Variants in KIAA1586 observed in about 807,000 individuals in gnomAD.
KIAA1586 encodes the protein E3 SUMO-protein ligase KIAA1586.
KIAA1586 carries 5 observed loss-of-function variants against 6.1 expected under a neutral mutation model. The observed-to-expected ratio is 0.82, with a 90% confidence interval of 0.43 to 1.73. The LOEUF (loss-of-function observed/expected upper bound fraction) is 1.73. Ranked by LOEUF, KIAA1586 falls within the 40% of genes most tolerant of loss-of-function variation. KIAA1586 has a pLI of 0.02. For missense variants in KIAA1586, 899 were observed against 878.2 expected (o/e 1.02, Z -0.30); for synonymous variants, 280 against 301.7 (o/e 0.93, Z 0.75).
chr6:57,051,909 G>A (rs1359766291), intron 3 of KIAA1586, among the ~76,000 whole-genome samples: 3 of 152,186 alleles, frequency 2.0e-5, no homozygotes, highest in African/African-American at 4.8e-5. Flanking sequence ...GGGAGGTGGA[G>A]TTTACGGTGA....
In KIAA1586 at chr6:57,053,210, A is replaced by G; in HGVS notation, c.711A>G (p.Lys237=). The G allele has an allele frequency of 6.2e-7, 1 of 1,600,084 alleles. No homozygotes were observed. The highest frequency in any genetic ancestry group is 8.5e-7 in the Non-Finnish European group (1 of 1,175,328). ...ATTCAATTTGTAATTTAGTGCATAA[A>G]CAAAATAATAAAAATATTGATGCTA... ...TNDSICNLVH[K]QNNKNIDATV... The change falls in exon 4 of 4, where the codon AAA becomes AAG. Residue 237 remains lysine, a synonymous_variant. Transcript: ENST00000370733.
Position 57,053,796 on chromosome 6 carries a change from G to A in KIAA1586, c.1297G>A (p.Glu433Lys), listed in dbSNP as rs948410206. 2.0e-5 allele frequency: 30 copies of A among 1,536,832 alleles called. 1 individual carries two copies. Among genetic ancestry groups the A allele is most frequent in the Admixed American group, 8.0e-5 (4 of 50,010 alleles). The change falls in exon 4 of 4, where the codon GAA becomes AAA. Residue 433 changes from glutamate (E) to lysine (K), a missense_variant. By Grantham distance (56) the Glu-to-Lys change is moderately conservative. Coordinates refer to ENST00000370733, the MANE Select transcript of KIAA1586 (RefSeq NM_020931.4). ...ATTGTCACTTGATGATTCTATATCC[G>A]AAATAAAACAAATTAATCATTTAAA... is the stretch of plus-strand genomic sequence containing the variant. Reference protein sequence around the residue: ...LQLSLDDSISEIKQINHLKIF... With the variant: ...LQLSLDDSISKIKQINHLKIF...
At position 57,053,064 on chromosome 6, in the gene KIAA1586, G is replaced by A. The variant is rs770673508; in HGVS notation, c.565G>A (p.Val189Ile). ...HVSKEWIAYLVTPNGSNKTTR... is the reference protein window; with the variant it reads ...HVSKEWIAYLITPNGSNKTTR... ...GTCCAAGGAATGGATTGCATATTTAGTAACCCCTAATGGCAGTAATAAAAC... is the reference window on the plus strand; with the variant it reads ...GTCCAAGGAATGGATTGCATATTTAATAACCCCTAATGGCAGTAATAAAAC... Residue 189 changes from valine to isoleucine, a missense_variant, in exon 4 of 4, where the codon GTA becomes ATA. By Grantham distance (29) the Val-to-Ile change is conservative. Coordinates refer to ENST00000370733, the MANE Select transcript of KIAA1586 (RefSeq NM_020931.4). 8 of 1,613,166 alleles carry A rather than the reference G, an allele frequency of 5.0e-6. No individual in the cohort carries two copies. The South Asian group carries it at 7.7e-5, about 16-fold the overall frequency.
downstream of KIAA1586, chr6:57,055,333 ATTTACT>A (rs1828481918): frequency 6.6e-6 from 1 of 150,948 alleles, no homozygotes; most frequent in South Asian, 2.1e-4. Flanking sequence ...ATTTTTATTT[ATTTACT>A]TTTACTTAAA....
downstream of KIAA1586, among the ~76,000 whole-genome samples, chr6:57,058,533 A>G (rs1186600485): frequency 6.6e-6 from 1 of 152,218 alleles, no homozygotes; most frequent in Non-Finnish European, 1.5e-5. Context: ...CTAGCCAGAT[A>G]TTTAATAATC....
chr6:57,063,053 T>G, the KIAA1586 span, among the ~76,000 whole-genome samples: 2 of 151,268 alleles, frequency 1.3e-5, no homozygotes, highest in Non-Finnish European at 2.9e-5. Flanking sequence ...AGACTCTGTC[T>G]CCAAAAAAAA....
chr6:57,058,250 ATTTC>A (rs1379725055), downstream of KIAA1586, among the ~76,000 whole-genome samples: 1 of 152,164 alleles, frequency 6.6e-6, no homozygotes, highest in Non-Finnish European at 1.5e-5. Flanking sequence ...TGTTTCTGTT[ATTTC>A]TTCATTCCAC....
In KIAA1586 at chr6:57,053,048, A is replaced by G; in HGVS notation, c.549A>G (p.Glu183=). The G allele has an allele frequency of 6.2e-7, 1 of 1,613,676 alleles. No individual in the cohort carries two copies. Among genetic ancestry groups the G allele is most frequent in the South Asian group, 1.1e-5 (1 of 91,042 alleles). ...AAAAGCATGTCCATGTGTCCAAGGA[A>G]TGGATTGCATATTTAGTAACCCCTA... The part of the protein sequence containing the change: ...KAEKHVHVSK[E]WIAYLVTPNG... The change falls in exon 4 of 4, where the codon GAA becomes GAG. Residue 183 remains glutamate, a synonymous_variant. Coordinates refer to ENST00000370733, the MANE Select transcript of KIAA1586 (RefSeq NM_020931.4).
At chr6:57,056,641 G>A (rs1194026545), downstream of KIAA1586, among the ~76,000 whole-genome samples, 1 of 150,970 alleles carries the variant, frequency 6.6e-6, no homozygotes, top group Non-Finnish European at 1.5e-5. Context: ...GGCCCAAGCA[G>A]TCCTCCCACC....
the KIAA1586 span, among the ~76,000 whole-genome samples, chr6:57,060,969 A>T: frequency 6.8e-6 from 1 of 147,876 alleles, no homozygotes; most frequent in Non-Finnish European, 1.5e-5. Context: ...GTGATTTTAA[A>T]TTATGTTCCG....
chr6:57,061,408 A>G, the KIAA1586 span, among the ~76,000 whole-genome samples: 2 of 152,080 alleles, frequency 1.3e-5, no homozygotes, highest in African/African-American at 4.8e-5. Flanking sequence ...TTATTTATCT[A>G]TTGAGACAGG....
At position 57,054,246 on chromosome 6, in the gene KIAA1586, A is replaced by G. The variant is rs1276456957; in HGVS notation, c.1747A>G (p.Lys583Glu). 3 of 1,591,636 alleles carry G rather than the reference A, an allele frequency of 1.9e-6. No individual in the cohort carries two copies. The highest frequency in any genetic ancestry group is 2.7e-5 in the African/African-American group (2 of 73,288). The change falls in exon 4 of 4, where the codon AAG (lysine) becomes GAG (glutamate). Residue 583 changes from lysine (K) to glutamate (E), a missense_variant. Physicochemically the swap from Lys to Glu is moderately conservative, Grantham distance 56. Transcript: ENST00000370733. ...KYESQIEDLI[K>E]SDKFKDIPFN... Reference sequence around the variant, plus strand: ...TGAATCTCAAATTGAAGATTTGATCAAGTCAGATAAGTTTAAAGATATTCC... The same window carrying G: ...TGAATCTCAAATTGAAGATTTGATCGAGTCAGATAAGTTTAAAGATATTCC...
At chr6:57,058,452 C>T (rs1276623455), downstream of KIAA1586, among the ~76,000 whole-genome samples, 24 of 152,150 alleles carry the variant, frequency 1.6e-4, no homozygotes, top group Admixed American at 1.6e-3. Context: ...GTCAGTTGGT[C>T]ATATTGTGGA....
downstream of KIAA1586, among the ~76,000 whole-genome samples, chr6:57,056,743 G>C (rs1828505381): frequency 6.6e-6 from 1 of 151,742 alleles, no homozygotes; most frequent in Admixed American, 6.6e-5. Flanking sequence ...TTGCCATGTT[G>C]CCCAGGTTGG....
the KIAA1586 span, among the ~76,000 whole-genome samples, chr6:57,064,481 C>T: frequency 1.3e-5 from 2 of 152,214 alleles, no homozygotes; most frequent in African/African-American, 4.8e-5. Context: ...TCAGCATTTT[C>T]ATCTCTTCAA....
Position 57,053,431 on chromosome 6 carries a change from A to T in KIAA1586, c.932A>T (p.Asn311Ile), listed in dbSNP as rs780498497. 1 of 1,610,032 alleles carries T rather than the reference A, an allele frequency of 6.2e-7. No individual in the cohort carries two copies. Among genetic ancestry groups the T allele is most frequent in the Non-Finnish European group, 8.5e-7 (1 of 1,178,034 alleles). The change falls in exon 4 of 4, where the codon AAT (asparagine) becomes ATT (isoleucine). Residue 311 changes from asparagine to isoleucine, a missense_variant. Coordinates refer to ENST00000370733, the MANE Select transcript of KIAA1586 (RefSeq NM_020931.4). ...ATATTTAAGAATATTATAGAAGAGA[A>T]TGCCAAAATCTGTATCATAATTGAT... ...MKIFKNIIEE[N>I]AKICIIIDEA...
chr6:57,065,352 G>A, the KIAA1586 span, among the ~76,000 whole-genome samples: 1 of 152,092 alleles, frequency 6.6e-6, no homozygotes, highest in Non-Finnish European at 1.5e-5. Flanking sequence ...GGTATATCCG[G>A]TGTTGCTAAT....
the KIAA1586 span, among the ~76,000 whole-genome samples, chr6:57,062,106 G>GT: frequency 4.6e-4 from 70 of 151,522 alleles, no homozygotes; most frequent in South Asian, 1.3e-3. Context: ...TAATTTTTGT[G>GT]TTTTTATAGA....
Position 57,053,083 on chromosome 6 carries a change from A to C in KIAA1586, c.584A>C (p.Asn195Thr), listed in dbSNP as rs778399916. The C allele has an allele frequency of 1.9e-6, 3 of 1,611,022 alleles. No homozygotes were observed. Among genetic ancestry groups the C allele is most frequent in the Admixed American group, 1.7e-5 (1 of 59,078 alleles). The part of the protein sequence containing the change: ...IAYLVTPNGS[N>T]KTTRQASLRK... ...TATTTAGTAACCCCTAATGGCAGTA[A>C]TAAAACTACTAGGCAAGCTTCTCTA... The change falls in exon 4 of 4, where the codon AAT becomes ACT. Residue 195 changes from asparagine (N) to threonine (T), a missense_variant. By Grantham distance (65) the Asn-to-Thr change is moderately conservative (BLOSUM62 0). Coordinates refer to ENST00000370733, the MANE Select transcript of KIAA1586 (RefSeq NM_020931.4).
Sources: allele counts gnomAD v4.1 joint callset (sites outside exome capture counted in the v4.1 genomes callset), GRCh38; gene constraint gnomAD v4.1.1; transcripts MANE v1.5; gene names NCBI Gene and HGNC (gene_info 2026-07-23, HGNC 2026-07-21).